IQUB: variants seen among roughly 807,000 people sequenced by gnomAD.
IQUB encodes the protein IQ motif and ubiquitin-like domain-containing protein.
Under a neutral mutation model 86.4 loss-of-function variants are expected in IQUB, and 86 were observed. That is an observed-to-expected ratio of 1.00 (90% CI 0.84 to 1.19). The LOEUF is 1.19. IQUB is among the 50% of genes most tolerant of loss of function. The pLI is 0.00. For missense variants in IQUB, 946 were observed against 916.9 expected, an observed-to-expected ratio of 1.03 and a Z score of -0.41; for synonymous variants, 289 against 304.5, an observed-to-expected ratio of 0.95 and a Z score of 0.53.
intron 7 of IQUB, among the ~76,000 whole-genome samples, chr7:123,484,434 G>A (rs1485286355): frequency 1.3e-5 from 2 of 148,882 alleles, no homozygotes; most frequent in East Asian, 4.0e-4. Flanking sequence ...TATCCGATAC[G>A]ATCATATCAG....
chr7:123,467,493 A>C (rs912190926), intron 9 of IQUB, among the ~76,000 whole-genome samples: 1 of 152,150 alleles, frequency 6.6e-6, no homozygotes, highest in African/African-American at 2.4e-5. Context: ...CCTGAATCAA[A>C]TGACTAATTG....
In IQUB at chr7:123,511,979, G is replaced by A; in HGVS notation, c.362C>T (p.Ser121Phe). Residue 121 changes from serine (S) to phenylalanine (F), a missense_variant, in exon 2 of 13, where the codon TCT (serine) becomes TTT (phenylalanine). Physicochemically the swap from Ser to Phe is radical, Grantham distance 155 (BLOSUM62 -2). Transcript: ENST00000324698. ...AGAATCTTCCACTGATTCTTGCAAA[G>A]ATTCCTTTACAGACTTTATTTTATC... ...FLDKIKSVKE[S>F]LQESVEDSLA... is the part of the protein sequence containing the mutation. 1 of 1,609,516 alleles carries A rather than the reference G, an allele frequency of 6.2e-7. No homozygotes were observed.
chr7:123,456,979 C>A (rs1344715744), intron 12 of IQUB: 2 of 164,730 alleles, frequency 1.2e-5, no homozygotes, highest in East Asian at 3.8e-4. Context: ...TTCTGGGTTC[C>A]ATAATACCTA....
At chr7:123,494,623 AAT>A (rs527340970) in intron 7 of IQUB, among the ~76,000 whole-genome samples, 30 of 152,226 alleles carry the variant, frequency 2.0e-4, no homozygotes, top group Non-Finnish European at 3.2e-4. Context: ...ACTTATATAA[AAT>A]ATATCTGTTC....
chr7:123,476,110 A>C (rs769578587), intron 8 of IQUB, among the ~76,000 whole-genome samples: 1 of 152,282 alleles, frequency 6.6e-6, no homozygotes, highest in African/African-American at 2.4e-5. Context: ...AACTGTGCTA[A>C]GATATGAGGA....
At chr7:123,471,049 T>C (rs920626285) in intron 8 of IQUB, among the ~76,000 whole-genome samples, 2 of 152,162 alleles carry the variant, frequency 1.3e-5, no homozygotes, top group Non-Finnish European at 1.5e-5. Context: ...CCAAAATGAA[T>C]GTTATTCAGA....
intron 9 of IQUB, among the ~76,000 whole-genome samples, chr7:123,465,254 G>C (rs182492577): frequency 2.0e-3 from 305 of 151,684 alleles, no homozygotes; most frequent in African/African-American, 6.6e-3. Context: ...AAATACTCAA[G>C]GTACAAAATA....
chr7:123,469,159 A>ATT, intron 9 of IQUB, 55 bp downstream of exon 9: 18 of 1,109,038 alleles, frequency 1.6e-5, no homozygotes, highest in South Asian at 2.7e-5. Context: ...TATTTCATTA[A>ATT]TTTTTTTTTA....
Position 123,512,136 on chromosome 7 carries a change from A to G in IQUB, c.205T>C (p.Ser69Pro), listed in dbSNP as rs546339052. The G allele has an allele frequency of 6.2e-7, 1 of 1,614,058 alleles. No homozygotes were observed. Among genetic ancestry groups the G allele is most frequent in the Admixed American group, 1.7e-5 (1 of 60,016 alleles). The change falls in exon 2 of 13, where the codon TCA (serine) becomes CCA (proline). Residue 69 changes from serine to proline, a missense_variant. Ser to Pro is a moderately conservative substitution (Grantham distance 74). Coordinates refer to ENST00000324698, the MANE Select transcript of IQUB (RefSeq NM_178827.5). ...TGTTCATTGTCTGGTTCCAGGCTTG[A>G]AAAGCTTTGGTCACTCTGCTCCTCA... is the stretch of plus-strand genomic sequence containing the variant. Reference protein sequence around the residue: ...HVEEQSDQSFSSLEPDNEQLM... With the variant: ...HVEEQSDQSFPSLEPDNEQLM...
In IQUB at chr7:123,482,481, GAACT is replaced by G. The variant is rs1373122911; in HGVS notation, c.1235-2515_1235-2512del. ...TTTTTACCACAGAACAATTAAACTAGAACTAATAACAAAAGTTTATATAGAAATA... is the reference window on the plus strand; with the variant it reads ...TTTTTACCACAGAACAATTAAACTAGAATAACAAAAGTTTATATAGAAATA... On this transcript the variant is annotated intron_variant, in intron 7 of 12. Transcript: ENST00000324698. 6.6e-5 allele frequency among the ~76,000 whole-genome samples: 10 copies of G among 151,772 alleles called. No homozygotes were observed. The East Asian group carries it at 7.7e-4, about 12-fold the overall frequency.
At chr7:123,489,765 G>A (rs983841350) in intron 7 of IQUB, among the ~76,000 whole-genome samples, 2 of 151,606 alleles carry the variant, frequency 1.3e-5, no homozygotes, top group Non-Finnish European at 2.9e-5. Context: ...TGTTAAAAAT[G>A]TCAACATATA....
chr7:123,526,646 T>C (rs1295513714), intron 1 of IQUB, among the ~76,000 whole-genome samples: 1 of 151,452 alleles, frequency 6.6e-6, no homozygotes. Context: ...TCTTGACTCT[T>C]TATCCAATTT....
At chr7:123,476,858 G>T (rs1421775591) in intron 8 of IQUB, among the ~76,000 whole-genome samples, 3 of 151,574 alleles carry the variant, frequency 2.0e-5, no homozygotes, top group Non-Finnish European at 4.4e-5. Context: ...AATTAAGGAG[G>T]TATTAGGAAT....
At chr7:123,497,748 C>A (rs1795764396) in intron 6 of IQUB, among the ~76,000 whole-genome samples, 1 of 150,040 alleles carries the variant, frequency 6.7e-6, no homozygotes, top group Admixed American at 6.7e-5. Flanking sequence ...CAGATATCGA[C>A]AAAGATACTA....
At chr7:123,510,890 T>C (rs950772521) in intron 2 of IQUB, among the ~76,000 whole-genome samples, 1 of 152,114 alleles carries the variant, frequency 6.6e-6, no homozygotes, top group African/African-American at 2.4e-5. Context: ...TAGTAGTGAC[T>C]TCTTAAGCTT....
intron 7 of IQUB, among the ~76,000 whole-genome samples, chr7:123,485,581 C>A (rs973066464): frequency 6.6e-6 from 1 of 152,102 alleles, no homozygotes; most frequent in African/African-American, 2.4e-5. Context: ...CCTAGACAGA[C>A]CACCTGATTT....
chr7:123,485,013 C>T (rs979298014), intron 7 of IQUB, among the ~76,000 whole-genome samples: 3 of 152,030 alleles, frequency 2.0e-5, no homozygotes, highest in Non-Finnish European at 4.4e-5. Flanking sequence ...ACAGAAGAGA[C>T]ACTGGGTGAG....
In IQUB at chr7:123,452,384, A is replaced by G. The variant is rs1793462934; in HGVS notation, c.*359T>C. ...GATTAGCTTCCTATAACTACATTCT[A>G]TCTAAAATAAATAACTTGAAAGTTG... On this transcript the variant is annotated 3_prime_UTR_variant, in exon 13 of 13. Transcript: ENST00000324698. 1 of 157,226 alleles carries G rather than the reference A, an allele frequency of 6.4e-6. No homozygotes were observed. The highest frequency in any genetic ancestry group is 2.4e-5 in the African/African-American group (1 of 41,630). 9.7% of individuals were successfully genotyped at this position (157,226 alleles called of 1,614,324 possible).
chr7:123,477,753 C>A (rs1330288549), intron 8 of IQUB, among the ~76,000 whole-genome samples: 1 of 152,072 alleles, frequency 6.6e-6, no homozygotes, highest in Non-Finnish European at 1.5e-5. Context: ...AAGAAAAAAA[C>A]AAACAACCCC....
Sources: allele counts gnomAD v4.1 joint callset (sites outside exome capture counted in the v4.1 genomes callset), GRCh38; gene constraint gnomAD v4.1.1; transcripts MANE v1.5; gene names NCBI Gene and HGNC (gene_info 2026-07-23, HGNC 2026-07-21).